Variants in AATF observed in about 807,000 individuals in gnomAD.
AATF encodes protein AATF.
AATF carries 48 observed loss-of-function variants against 63.7 expected under a neutral mutation model. The ratio of observed to expected loss-of-function variants is 0.75; its 90% CI spans 0.60 to 0.96. AATF has a LOEUF of 0.96. Ranked by LOEUF, AATF falls within the 40% of genes least tolerant of loss-of-function variation. AATF has a pLI of 0.00. For missense variants in AATF, 639 were observed against 685.7 expected, an observed-to-expected ratio of 0.93 and a Z score of 0.76; for synonymous variants, 258 against 247.7, an observed-to-expected ratio of 1.04 and a Z score of -0.39.
At chr17:36,965,312 C>T (rs929074941) in intron 4 of AATF, among the ~76,000 whole-genome samples, 1 of 152,154 alleles carries the variant, frequency 6.6e-6, no homozygotes, top group African/African-American at 2.4e-5. Flanking sequence ...CGGCCACATT[C>T]TTTGCTCATG....
intron 8 of AATF, among the ~76,000 whole-genome samples, chr17:37,009,346 T>C (rs1328112178): frequency 1.3e-5 from 2 of 149,494 alleles, no homozygotes; most frequent in African/African-American, 5.0e-5. Flanking sequence ...GGTTTCACCA[T>C]GTTGGCCAGG....
chr17:37,055,766 C>G (rs982249123), intron 11 of AATF: 3 of 152,252 alleles, frequency 2.0e-5, no homozygotes, highest in African/African-American at 7.2e-5. Flanking sequence ...CGTCCTCACA[C>G]GGGTCTTGCC....
At chr17:36,962,017 T>G (rs1435324470) in intron 4 of AATF, among the ~76,000 whole-genome samples, 1 of 152,162 alleles carries the variant, frequency 6.6e-6, no homozygotes, top group Non-Finnish European at 1.5e-5. Context: ...ATATATTGCC[T>G]AACTAGCCCC....
chr17:37,004,952 C>G (rs1415810917), intron 8 of AATF, among the ~76,000 whole-genome samples: 1 of 152,140 alleles, frequency 6.6e-6, no homozygotes, highest in East Asian at 1.9e-4. Context: ...GGGAAATAAT[C>G]CCTTGCCAAC....
At chr17:37,049,369 G>A (rs1329075369) in intron 11 of AATF, among the ~76,000 whole-genome samples, 9 of 152,218 alleles carry the variant, frequency 5.9e-5, no homozygotes, top group South Asian at 2.1e-4. Context: ...TTGGGAGGCC[G>A]AGGCGGGCAG....
intron 4 of AATF, among the ~76,000 whole-genome samples, chr17:36,973,783 C>G (rs1374172191): frequency 6.6e-6 from 1 of 151,976 alleles, no homozygotes; most frequent in East Asian, 1.9e-4. Context: ...AGAAAATAGC[C>G]AAGCAGGCTG....
intron 2 of AATF, among the ~76,000 whole-genome samples, chr17:36,950,838 G>T (rs2070849452): frequency 6.6e-6 from 1 of 152,048 alleles, no homozygotes; most frequent in Admixed American, 6.5e-5. Context: ...CCTTATGTTC[G>T]GACTAATGGC....
Position 36,990,908 on chromosome 17 carries a change from C to T in AATF, c.1398+51C>T, listed in dbSNP as rs568555163. 2.1e-4 allele frequency: 285 copies of T among 1,338,430 alleles called. 2 individuals carry two copies. In the South Asian group the frequency reaches 4.0e-3, roughly 19 times the overall value. The allele number at this position is 1,338,430 out of a possible 1,614,324, so 82.9% of individuals were successfully genotyped here. On this transcript the variant is annotated intron_variant, in intron 8 of 11. Transcript: ENST00000619387. ...CAAATCATGTTTTAGCATTTTAAAG[C>T]AGCTTATAGAATTCTCTGAACAAAG...
At position 37,019,026 on chromosome 17, in the gene AATF, CG is replaced by C. The variant is rs1555652241; in HGVS notation, c.1422del (p.Lys475ArgfsTer31). On this transcript the variant is annotated frameshift_variant, in exon 9 of 12. Coordinates refer to ENST00000619387, the MANE Select transcript of AATF (RefSeq NM_012138.4). LOFTEE classifies it high-confidence loss of function. Reference protein sequence around the residue: ...YHQLLRELIERKTSSLDPNDQ... With the variant: ...YHQLLRELIEXKTSSLDPNDQ... ...CTAGCTCCTTCGAGAACTCATAGAA[CG>C]GAAGACCAGCTCCTTGGATCCCAAC... 6.2e-7 allele frequency: 1 copy of C among 1,614,092 alleles called. No individual in the cohort carries two copies. Among genetic ancestry groups the C allele is most frequent in the Non-Finnish European group, 8.5e-7 (1 of 1,179,962 alleles).
At chr17:37,030,632 A>G (rs2071545089) in intron 10 of AATF, among the ~76,000 whole-genome samples, 1 of 152,150 alleles carries the variant, frequency 6.6e-6, no homozygotes, top group African/African-American at 2.4e-5. Flanking sequence ...TTAAACTTCC[A>G]TAGTACCTAG....
intron 2 of AATF, among the ~76,000 whole-genome samples, chr17:36,952,634 T>A (rs1308436050): frequency 6.6e-6 from 1 of 152,250 alleles, no homozygotes; most frequent in East Asian, 1.9e-4. Context: ...TGATGCTTCC[T>A]TGAGTTGTAA....
Position 36,982,672 on chromosome 17 carries a change from T to G in AATF, c.833-3945T>G, listed in dbSNP as rs150056606. 7.2e-5 allele frequency among the ~76,000 whole-genome samples: 11 copies of G among 152,268 alleles called. No homozygotes were observed. In the East Asian group the frequency reaches 1.7e-3, roughly 24 times the overall value. ...CAGCCCAGTGTTTTTTTGTTGTTTTTTTTGTTTGTTTGTTTTAATGGTGGT... is the reference window on the plus strand; with the variant it reads ...CAGCCCAGTGTTTTTTTGTTGTTTTGTTTGTTTGTTTGTTTTAATGGTGGT... On this transcript the variant is annotated intron_variant, in intron 4 of 11. Transcript: ENST00000619387.
chr17:36,953,959 A>T, intron 4 of AATF, 52 bp downstream of exon 4: 17 of 1,581,306 alleles, frequency 1.1e-5, no homozygotes, highest in Non-Finnish European at 1.5e-5. Context: ...TGTCAAATGA[A>T]GACAGCTTTG....
chr17:37,029,494 C>T (rs1043102103), intron 10 of AATF, among the ~76,000 whole-genome samples: 1 of 151,854 alleles, frequency 6.6e-6, no homozygotes, highest in African/African-American at 2.4e-5. Context: ...GTGATCCACC[C>T]GCCTCAGGCT....
chr17:36,974,210 G>T (rs1281237195), intron 4 of AATF, among the ~76,000 whole-genome samples: 1 of 152,008 alleles, frequency 6.6e-6, no homozygotes, highest in Non-Finnish European at 1.5e-5. Context: ...CTTCTCAGTG[G>T]CTATGTACTT....
At position 37,021,941 on chromosome 17, in the gene AATF, A is replaced by G. The variant is rs190332710; in HGVS notation, c.1547+927A>G. 2.9e-4 allele frequency among the ~76,000 whole-genome samples: 44 copies of G among 152,262 alleles called. No homozygotes were observed. In the East Asian group the frequency reaches 8.5e-3, roughly 29 times the overall value. ...AAGTGAAGGACCACAGGGAATGTTA[A>G]CAAAGTTATTAAATGAGAAGAGAAA... On this transcript the variant is annotated intron_variant, in intron 10 of 11. Coordinates refer to ENST00000619387, the MANE Select transcript of AATF (RefSeq NM_012138.4).
At chr17:36,988,888 G>A (rs935736784) in intron 6 of AATF, among the ~76,000 whole-genome samples, 168 bp downstream of exon 6, 1 of 152,140 alleles carries the variant, frequency 6.6e-6, no homozygotes, top group Non-Finnish European at 1.5e-5. Context: ...GGGTTTATAC[G>A]ATTCAGACTT....
intron 4 of AATF, among the ~76,000 whole-genome samples, chr17:36,959,207 G>C (rs2070926613): frequency 6.6e-6 from 1 of 152,090 alleles, no homozygotes; most frequent in Non-Finnish European, 1.5e-5. Flanking sequence ...ACTTTGGGAG[G>C]CCAAGGTGGG....
At chr17:37,011,313 T>C (rs1387214435) in intron 8 of AATF, among the ~76,000 whole-genome samples, 2 of 152,042 alleles carry the variant, frequency 1.3e-5, no homozygotes, top group Admixed American at 6.5e-5. Context: ...AGGTGGAGGT[T>C]GCAGTGAGCA....
Sources: gnomAD v4.1 joint callset for allele counts (sites outside exome capture counted in the v4.1 genomes callset) on GRCh38, gnomAD v4.1.1 for gene constraint, MANE v1.5 for transcripts, NCBI Gene and HGNC (gene_info 2026-07-23, HGNC 2026-07-21) for gene names.